The following REDIC1 variants were observed in gnomAD, a reference collection of about 807,000 sequenced individuals.
The protein encoded by REDIC1 is regulator of DNA class I crossover intermediates 1.
At chr12:39,893,795 ATTTAC>A in the REDIC1 span, among the ~76,000 whole-genome samples, 10 of 152,350 alleles carry the variant, frequency 6.6e-5, no homozygotes, top group South Asian at 1.4e-3. Context: ...ATTTTCTGCA[ATTTAC>A]TTTAAGCCCA....
the REDIC1 span, among the ~76,000 whole-genome samples, chr12:39,700,125 ACAAT>A: frequency 6.6e-6 from 1 of 152,216 alleles, no homozygotes; most frequent in Non-Finnish European, 1.5e-5. Flanking sequence ...AAGGCTTCAG[ACAAT>A]CAAATTACTC....
At chr12:39,748,801 C>A in the REDIC1 span, among the ~76,000 whole-genome samples, 7 of 152,090 alleles carry the variant, frequency 4.6e-5, no homozygotes, top group African/African-American at 1.4e-4. Flanking sequence ...AAACTGAACA[C>A]CCTGCTCCTG....
the REDIC1 span, among the ~76,000 whole-genome samples, chr12:39,660,694 G>A: frequency 1.3e-5 from 2 of 152,020 alleles, no homozygotes; most frequent in Non-Finnish European, 2.9e-5. Flanking sequence ...ATTTTGAAAT[G>A]TACAACACAT....
At chr12:39,712,117 T>TATGTACATATACATAC in the REDIC1 span, among the ~76,000 whole-genome samples, 1 of 96,620 alleles carries the variant, frequency 1.0e-5, no homozygotes, top group Non-Finnish European at 2.3e-5. Flanking sequence ...TATATACCTG[T>TATGTACATATACATAC]ATATATACCT....
At chr12:39,856,190 C>T in the REDIC1 span, among the ~76,000 whole-genome samples, 1 of 152,040 alleles carries the variant, frequency 6.6e-6, no homozygotes, top group Non-Finnish European at 1.5e-5. Context: ...TTAGTCAGCA[C>T]CATCTACCTT....
At chr12:39,907,762 A>T in the REDIC1 span, 1 of 152,190 alleles carries the variant, frequency 6.6e-6, no homozygotes, top group Non-Finnish European at 1.5e-5. Context: ...TGGATTGGAC[A>T]CATGTCTTGG....
chr12:39,831,579 ATGTTGGTC>A, the REDIC1 span, among the ~76,000 whole-genome samples: 1 of 152,110 alleles, frequency 6.6e-6, no homozygotes. Flanking sequence ...TAGGGTTTTT[ATGTTGGTC>A]CTTTCCAAAT....
At chr12:39,669,919 G>A in the REDIC1 span, among the ~76,000 whole-genome samples, 3 of 152,196 alleles carry the variant, frequency 2.0e-5, no homozygotes, top group Non-Finnish European at 2.9e-5. Flanking sequence ...ATTAGGGTGG[G>A]AGTGACCCGA....
At chr12:39,692,805 C>T in the REDIC1 span, among the ~76,000 whole-genome samples, 1 of 151,954 alleles carries the variant, frequency 6.6e-6, no homozygotes, top group African/African-American at 2.4e-5. Flanking sequence ...GGATATATTT[C>T]TAGGAGTAGA....
the REDIC1 span, among the ~76,000 whole-genome samples, chr12:39,881,836 T>A: frequency 6.6e-6 from 1 of 152,108 alleles, no homozygotes; most frequent in African/African-American, 2.4e-5. Flanking sequence ...TGTCTACTTT[T>A]TGGTCACTGT....
At chr12:39,742,235 G>T in the REDIC1 span, among the ~76,000 whole-genome samples, 1 of 152,116 alleles carries the variant, frequency 6.6e-6, no homozygotes, top group Admixed American at 6.5e-5. Flanking sequence ...AACGTCTTCT[G>T]ATTTGTGCTA....
At chr12:39,801,299 T>C in the REDIC1 span, among the ~76,000 whole-genome samples, 2 of 145,652 alleles carry the variant, frequency 1.4e-5, no homozygotes, top group African/African-American at 5.0e-5. Flanking sequence ...ATAATAGTGT[T>C]TCACTTGATA....
At chr12:39,778,995 G>A in the REDIC1 span, among the ~76,000 whole-genome samples, 2 of 152,046 alleles carry the variant, frequency 1.3e-5, no homozygotes, top group African/African-American at 4.8e-5. Context: ...TAACTAGGGA[G>A]TCAGAACCAG....
At chr12:39,878,593 A>G in the REDIC1 span, among the ~76,000 whole-genome samples, 1 of 152,244 alleles carries the variant, frequency 6.6e-6, no homozygotes, top group East Asian at 1.9e-4. Context: ...TAAGCAACAA[A>G]GCATTCAAGA....
chr12:39,813,024 T>TTTTTTTTTTTG, the REDIC1 span, among the ~76,000 whole-genome samples: 1 of 134,902 alleles, frequency 7.4e-6, no homozygotes, highest in Non-Finnish European at 1.6e-5. Flanking sequence ...TTTTTTTTTT[T>TTTTTTTTTTTG]AGTAGAGATG....
chr12:39,787,630 A>C, the REDIC1 span, among the ~76,000 whole-genome samples: 1 of 152,172 alleles, frequency 6.6e-6, no homozygotes, highest in Non-Finnish European at 1.5e-5. Context: ...ATCATGAATA[A>C]ACTTACTCAT....
the REDIC1 span, chr12:39,683,506 G>A: frequency 4.6e-6 from 7 of 1,515,740 alleles, no homozygotes; most frequent in Admixed American, 3.4e-5. Flanking sequence ...GGTAAATCTG[G>A]GGAATACAAA....
At chr12:39,699,486 T>C in the REDIC1 span, among the ~76,000 whole-genome samples, 5 of 151,992 alleles carry the variant, frequency 3.3e-5, no homozygotes, top group African/African-American at 1.2e-4. Context: ...AGCACAGCAG[T>C]CTGAGATCAA....
At chr12:39,704,869 C>A in the REDIC1 span, among the ~76,000 whole-genome samples, 1 of 151,534 alleles carries the variant, frequency 6.6e-6, no homozygotes, top group Non-Finnish European at 1.5e-5. Flanking sequence ...GGGAATTGAA[C>A]AATGAGAACA....
Sources: gnomAD v4.1 joint callset for allele counts (sites outside exome capture counted in the v4.1 genomes callset) on GRCh38, gnomAD v4.1.1 for gene constraint, MANE v1.5 for transcripts, NCBI Gene and HGNC (gene_info 2026-07-23, HGNC 2026-07-21) for gene names.